MYO6: variants seen among roughly 807,000 people sequenced by gnomAD.
The protein encoded by MYO6 is myosin VI.
Under a neutral mutation model 178.7 loss-of-function variants are expected in MYO6, and 74 were observed. The observed-to-expected ratio is 0.41, with a 90% confidence interval of 0.34 to 0.50. The LOEUF (loss-of-function observed/expected upper bound fraction) is 0.50. Ranked by LOEUF, MYO6 falls within the 20% of genes least tolerant of loss-of-function variation. The pLI is 0.09. For missense variants in MYO6, 1,330 were observed against 1,547.4 expected (o/e 0.86, Z 2.36); for synonymous variants, 477 against 504.6 (o/e 0.95, Z 0.73).
chr6:75,836,625 CAGGCT>C (rs1486405713), intron 7 of MYO6, among the ~76,000 whole-genome samples: 1 of 151,390 alleles, frequency 6.6e-6, no homozygotes, highest in Admixed American at 6.6e-5. Flanking sequence ...CTCTGTCACC[CAGGCT>C]GGAGTGCAGT....
intron 12 of MYO6, among the ~76,000 whole-genome samples, chr6:75,855,776 G>A (rs978316393): frequency 6.6e-6 from 1 of 152,028 alleles, no homozygotes; most frequent in African/African-American, 2.4e-5. Flanking sequence ...GTACCTGGAT[G>A]TTTTTATACT....
At chr6:75,755,015 T>C (rs890699462) in intron 1 of MYO6, among the ~76,000 whole-genome samples, 4 of 151,922 alleles carry the variant, frequency 2.6e-5, no homozygotes, top group African/African-American at 9.7e-5. Context: ...AGGATCACTT[T>C]AGCCCAGGAG....
intron 10 of MYO6, among the ~76,000 whole-genome samples, chr6:75,845,519 C>T (rs2150268000): frequency 6.6e-6 from 1 of 151,556 alleles, no homozygotes; most frequent in East Asian, 1.9e-4. Context: ...ATAGTGAAAC[C>T]CCATCTTTAC....
chr6:75,894,924 G>C, intron 28 of MYO6: 1 of 935,098 alleles, frequency 1.1e-6, no homozygotes, highest in South Asian at 2.2e-5. Context: ...GCAAAGAGAT[G>C]GTTTCAAATT....
intron 11 of MYO6, among the ~76,000 whole-genome samples, chr6:75,852,521 C>T (rs1473528643): frequency 6.6e-6 from 1 of 152,166 alleles, no homozygotes; most frequent in Non-Finnish European, 1.5e-5. Context: ...GCCCACTTCT[C>T]TCAACCCTAG....
chr6:75,831,476 GC>G (rs1480602351), intron 5 of MYO6, among the ~76,000 whole-genome samples: 1 of 152,214 alleles, frequency 6.6e-6, no homozygotes, highest in Non-Finnish European at 1.5e-5. Context: ...GCAAAACGGT[GC>G]CCCATCCCTT....
intron 11 of MYO6, among the ~76,000 whole-genome samples, chr6:75,849,046 C>A (rs569690075): frequency 5.2e-4 from 79 of 152,232 alleles, no homozygotes; most frequent in African/African-American, 1.9e-3. Flanking sequence ...CTTTTCAACT[C>A]CAGTGTTTCA....
rs886807947 is a variant in MYO6, at chr6:75,916,648, G to A, written c.*1636G>A. 6.6e-6 allele frequency: 1 copy of A among 152,514 alleles called. No individual in the cohort carries two copies. The highest frequency in any genetic ancestry group is 6.6e-5 in the Admixed American group (1 of 15,252). The allele number at this position is 152,514 out of a possible 1,614,324, so 9.4% of individuals were successfully genotyped here. A position where few individuals can be genotyped will look rare whatever the true frequency, so the allele number is the denominator to read the frequency against. ...TTTAACTGGTGTTTTTATTTGTGTA[G>A]GATAGTGAATGATAAGCTTTTTTCC... On this transcript the variant is annotated 3_prime_UTR_variant, in exon 35 of 35. Coordinates refer to ENST00000369977, the MANE Select transcript of MYO6 (RefSeq NM_004999.4).
Position 75,844,890 on chromosome 6 carries a change from G to C in MYO6, c.817-7G>C, listed in dbSNP as rs368900340. 4 of 1,603,248 alleles carry C rather than the reference G, an allele frequency of 2.5e-6. No homozygotes were observed. In the African/African-American group the frequency reaches 5.4e-5, roughly 22 times the overall value. ...ATGTTAATTATGTTTAATTTGTTTT[G>C]TCATAGTATTTAAACCGAGGCTGCA... On this transcript the variant is annotated splice_polypyrimidine_tract_variant and splice_region_variant and intron_variant, in intron 9 of 34. Transcript: ENST00000369977.
chr6:75,800,936 G>A (rs868051999), intron 1 of MYO6, among the ~76,000 whole-genome samples: 1 of 152,136 alleles, frequency 6.6e-6, no homozygotes, highest in Non-Finnish European at 1.5e-5. Context: ...GGCCAGGCTG[G>A]TCTTGAACTC....
At chr6:75,896,124 T>A (rs187692743) in intron 29 of MYO6, among the ~76,000 whole-genome samples, 164 of 152,254 alleles carry the variant, frequency 1.1e-3, no homozygotes, top group African/African-American at 3.8e-3. Flanking sequence ...TTGGAATATA[T>A]ATAAAATCTT....
At chr6:75,755,631 T>C (rs543330225) in intron 1 of MYO6, among the ~76,000 whole-genome samples, 2 of 152,320 alleles carry the variant, frequency 1.3e-5, no homozygotes, top group South Asian at 4.1e-4. Flanking sequence ...AAATAACTTT[T>C]ATTACTTTGT....
intron 2 of MYO6, among the ~76,000 whole-genome samples, chr6:75,818,114 C>CT (rs1163408855): frequency 6.6e-6 from 1 of 152,008 alleles, no homozygotes; most frequent in South Asian, 2.1e-4. Context: ...ATTATAAAGT[C>CT]TTTTTTTAAA....
At chr6:75,792,600 A>C (rs1467908607) in intron 1 of MYO6, among the ~76,000 whole-genome samples, 2 of 152,052 alleles carry the variant, frequency 1.3e-5, no homozygotes, top group African/African-American at 4.8e-5. Flanking sequence ...ACATTTTCAA[A>C]TATTGAAAAA....
chr6:75,881,591 C>A, intron 22 of MYO6, 98 bp from the exon 23 acceptor site: 4 of 1,221,826 alleles, frequency 3.3e-6, no homozygotes, highest in Non-Finnish European at 3.5e-6. Flanking sequence ...CATTTTCAGA[C>A]AGTTAGATTT....
rs751044308 is a variant in MYO6 at position 75,914,807 on chromosome 6, A to G, written c.3659-6A>G. On this transcript the variant is annotated splice_polypyrimidine_tract_variant and splice_region_variant and intron_variant, in intron 34 of 34. Transcript: ENST00000369977. ...ATGGTAATTTTCTGATATCTCATGA[A>G]TACAGGTAAGGACGACATGGAGATG... 2 of 1,614,054 alleles carry G rather than the reference A, an allele frequency of 1.2e-6. No individual in the cohort carries two copies. Among genetic ancestry groups the G allele is most frequent in the Admixed American group, 1.7e-5 (1 of 60,030 alleles).
chr6:75,755,040 G>A (rs556999465), intron 1 of MYO6, among the ~76,000 whole-genome samples: 3 of 152,088 alleles, frequency 2.0e-5, no homozygotes, highest in African/African-American at 7.2e-5. Context: ...AGAACAGCCT[G>A]GGCAACATGG....
In MYO6 at chr6:75,895,239, G is replaced by C; in HGVS notation, c.3116G>C (p.Gly1039Ala). 6.2e-7 allele frequency: 1 copy of C among 1,606,310 alleles called. No homozygotes were observed. The highest frequency in any genetic ancestry group is 8.5e-7 in the Non-Finnish European group (1 of 1,173,866). ...ATATATTCTTTTCACAGAAATGATG[G>C]AACAAGACCCAAAATGACACCGTAT... ...QADLALRRND[G>A]TRPKMTPEQM... Residue 1039 changes from glycine (G) to alanine (A), a missense_variant, in exon 29 of 35, where the codon GGA becomes GCA. Gly to Ala is a moderately conservative substitution (Grantham distance 60, BLOSUM62 0). Coordinates refer to ENST00000369977, the MANE Select transcript of MYO6 (RefSeq NM_004999.4).
intron 1 of MYO6, among the ~76,000 whole-genome samples, chr6:75,782,966 G>A (rs1767139993): frequency 6.8e-6 from 1 of 147,554 alleles, no homozygotes; most frequent in African/African-American, 2.5e-5. Flanking sequence ...CCAGGCTGGA[G>A]TGCAGTGGCA....
Sources: allele counts gnomAD v4.1 joint callset (sites outside exome capture counted in the v4.1 genomes callset), GRCh38; gene constraint gnomAD v4.1.1; transcripts MANE v1.5; gene names NCBI Gene and HGNC (gene_info 2026-07-23, HGNC 2026-07-21).